Variants in RBM26 observed in about 807,000 individuals in gnomAD.
RBM26 encodes the protein RNA binding motif protein 26.
Under a neutral mutation model 123.6 loss-of-function variants are expected in RBM26, and 30 were observed. The observed-to-expected ratio is 0.24, with a 90% CI of 0.18 to 0.33. RBM26 has a LOEUF of 0.33. Among genes scored for constraint, RBM26 ranks in the 10% least tolerant of loss-of-function variants. The probability of loss-of-function intolerance (pLI) is 1.00; values close to 1 mark genes in which losing one functional copy is unlikely to be tolerated. For synonymous variants in RBM26, 400 were observed against 404.4 expected (o/e 0.99, Z 0.13); for missense variants, 947 against 1,203.6 (o/e 0.79, Z 3.15).
At chr13:79,366,562 G>A in intron 7 of RBM26, 71 bp downstream of exon 7, 1 of 1,410,618 alleles carries the variant, frequency 7.1e-7, no homozygotes, top group Non-Finnish European at 9.5e-7. Context: ...TTTAATTTAA[G>A]AATCTATTAA....
At chr13:79,315,819 C>T (rs978606173), downstream of RBM26, among the ~76,000 whole-genome samples, 1 of 151,704 alleles carries the variant, frequency 6.6e-6, no homozygotes, top group South Asian at 2.1e-4. Context: ...AAGTTTCTTT[C>T]CTAGGATTTT....
At chr13:79,339,208 C>CTTG (rs914233754) in intron 18 of RBM26, among the ~76,000 whole-genome samples, 2 of 152,026 alleles carry the variant, frequency 1.3e-5, no homozygotes, top group African/African-American at 4.8e-5. Flanking sequence ...GAATCTAAAA[C>CTTG]AATCAAACTC....
At chr13:79,351,053 C>T (rs2073140302) in intron 14 of RBM26, among the ~76,000 whole-genome samples, 1 of 152,022 alleles carries the variant, frequency 6.6e-6, no homozygotes, top group South Asian at 2.1e-4. Context: ...TAGTTTATTG[C>T]ATTAGCATAA....
At chr13:79,314,899 T>C (rs1022036976), downstream of RBM26, 22 of 873,770 alleles carry the variant, frequency 2.5e-5, no homozygotes, top group Non-Finnish European at 3.4e-5. Flanking sequence ...CATAAAATAA[T>C]AGGATGATAT....
chr13:79,339,774 C>G (rs1322502001), intron 18 of RBM26, among the ~76,000 whole-genome samples: 1 of 151,978 alleles, frequency 6.6e-6, no homozygotes, highest in Non-Finnish European at 1.5e-5. Context: ...AAACGCATAT[C>G]CAATATAACC....
At chr13:79,371,437 A>G (rs1234522629) in intron 4 of RBM26, among the ~76,000 whole-genome samples, 1 of 152,198 alleles carries the variant, frequency 6.6e-6, no homozygotes, top group Non-Finnish European at 1.5e-5. Flanking sequence ...CTTAGAGTAC[A>G]TATAGAACAT....
rs577089264 is a variant in RBM26 at position 79,382,180 on chromosome 13, T to C, written c.72-3273A>G. On this transcript the variant is annotated intron_variant, in intron 1 of 21. Transcript: ENST00000438737. ...CTTCTAGTGATGATGTTATGCAAAG[T>C]CAATTAAATAAACATTCAAATTAAC... 2.0e-5 allele frequency among the ~76,000 whole-genome samples: 3 copies of C among 152,074 alleles called. 1 individual carries two copies. The South Asian group carries it at 6.2e-4, about 31-fold the overall frequency.
At position 79,339,117 on chromosome 13, in the gene RBM26, C is replaced by T. The variant is rs893338268; in HGVS notation, c.2533-1815G>A. ...TAATCTTAGCATTAGCTAAAATAAT[C>T]ATCTAATATCCAAATAATAATGCCA... On this transcript the variant is annotated intron_variant, in intron 18 of 21. Coordinates refer to ENST00000438737, the MANE Select transcript of RBM26 (RefSeq NM_001366735.2). Among the ~76,000 whole-genome samples, 5 of 152,274 alleles carry T rather than the reference C, an allele frequency of 3.3e-5. No homozygotes were observed. In the East Asian group the frequency reaches 9.6e-4, roughly 29 times the overall value.
At chr13:79,332,011 G>A (rs1457462577) in intron 20 of RBM26, among the ~76,000 whole-genome samples, 1 of 151,626 alleles carries the variant, frequency 6.6e-6, no homozygotes, top group Admixed American at 6.6e-5. Flanking sequence ...TTTTTCCTGA[G>A]GAAAACTTCT....
chr13:79,370,940 T>C lies in RBM26; in HGVS notation c.634+5A>G, dbSNP rs2075819989. 6.3e-7 allele frequency: 1 copy of C among 1,594,834 alleles called. No homozygotes were observed. The highest frequency in any genetic ancestry group is 8.6e-7 in the Non-Finnish European group (1 of 1,163,212). ...ATAAAAAGATAACCAAAATATATTA[T>C]TTACCCCTGCTTCGTGTTCTGCTTC... On this transcript the variant is annotated splice_donor_5th_base_variant and intron_variant, in intron 5 of 21. Coordinates refer to ENST00000438737, the MANE Select transcript of RBM26 (RefSeq NM_001366735.2).
At chr13:79,381,080 TACTC>T (rs1010092921) in intron 1 of RBM26, among the ~76,000 whole-genome samples, 1 of 152,104 alleles carries the variant, frequency 6.6e-6, no homozygotes, top group Non-Finnish European at 1.5e-5. Context: ...TACTAACACT[TACTC>T]AACACCTAGT....
chr13:79,342,624 G>A (rs769579432), intron 17 of RBM26, 40 bp downstream of exon 17: 1 of 1,479,112 alleles, frequency 6.8e-7, no homozygotes, highest in East Asian at 2.3e-5. Flanking sequence ...TCTAATGCTT[G>A]TTAATAAGTA....
chr13:79,319,341 T>C lies in RBM26; in HGVS notation c.*1280A>G, dbSNP rs542811041. The C allele has an allele frequency of 2.0e-6, 2 of 983,014 alleles. No individual in the cohort carries two copies. The highest frequency in any genetic ancestry group is 2.4e-6 in the Non-Finnish European group (2 of 827,926). 60.9% of individuals were successfully genotyped at this position (983,014 alleles called of 1,614,324 possible). On this transcript the variant is annotated 3_prime_UTR_variant, in exon 22 of 22. Transcript: ENST00000438737. ...AATCAAAATGATGAATTTGAAAATATAAATATGTAATCTCCCACCCCCATT... is the reference window on the plus strand; with the variant it reads ...AATCAAAATGATGAATTTGAAAATACAAATATGTAATCTCCCACCCCCATT...
intron 14 of RBM26, among the ~76,000 whole-genome samples, chr13:79,350,954 T>C (rs1390539331): frequency 1.3e-5 from 2 of 152,194 alleles, no homozygotes; most frequent in African/African-American, 4.8e-5. Context: ...TTTTCCTTAA[T>C]AGGCTGTTTA....
At position 79,357,459 on chromosome 13, in the gene RBM26, A is replaced by G. The variant is rs541578690; in HGVS notation, c.1689+815T>C. On this transcript the variant is annotated intron_variant, in intron 11 of 21. Transcript: ENST00000438737. ...CACATAATATAAACTCAATACTAAA[A>G]AAACACCCAAGTTACATATACCCAA... Among the ~76,000 whole-genome samples the G allele has an allele frequency of 3.3e-5, 5 of 152,274 alleles. No homozygotes were observed. In the East Asian group the frequency reaches 9.6e-4, roughly 29 times the overall value.
intron 1 of RBM26, among the ~76,000 whole-genome samples, chr13:79,388,488 C>T (rs1328067722): frequency 6.6e-6 from 1 of 152,214 alleles, no homozygotes; most frequent in African/African-American, 2.4e-5. Context: ...CCAATCACTT[C>T]AGTATAGCAA....
chr13:79,365,935 C>T (rs1278536208), intron 8 of RBM26, 120 bp downstream of exon 8: 7 of 1,049,900 alleles, frequency 6.7e-6, no homozygotes, highest in East Asian at 2.4e-5. Flanking sequence ...GTTCATTCAC[C>T]ACGGCTACAT....
chr13:79,350,530 A>C (rs145282556), intron 14 of RBM26, among the ~76,000 whole-genome samples: 4 of 152,326 alleles, frequency 2.6e-5, no homozygotes, highest in African/African-American at 9.6e-5. Flanking sequence ...CTTCATATTT[A>C]CCAGCAGCAA....
At chr13:79,378,147 G>C (rs184707671) in intron 2 of RBM26, among the ~76,000 whole-genome samples, 4 of 152,274 alleles carry the variant, frequency 2.6e-5, no homozygotes, top group Admixed American at 2.6e-4. Flanking sequence ...TCATAATCTA[G>C]ATGTGGCAAG....
Sources: allele counts gnomAD v4.1 joint callset (sites outside exome capture counted in the v4.1 genomes callset), GRCh38; gene constraint gnomAD v4.1.1; transcripts MANE v1.5; gene names NCBI Gene and HGNC (gene_info 2026-07-23, HGNC 2026-07-21).